The following ARHGAP11A variants were observed in gnomAD, a reference collection of about 807,000 sequenced individuals.
ARHGAP11A encodes Rho GTPase activating protein 11A, also known as rho GTPase-activating protein 11A.
A neutral mutation model predicts 60.5 loss-of-function variants in ARHGAP11A; 36 were observed. The ratio of observed to expected loss-of-function variants is 0.59; its 90% CI spans 0.46 to 0.79. The LOEUF is 0.79. Ranked by LOEUF, ARHGAP11A falls within the 30% of genes least tolerant of loss-of-function variation. The pLI, the probability that ARHGAP11A is intolerant of heterozygous loss-of-function variation, is 0.00. For missense variants in ARHGAP11A, 1,071 were observed against 1,199.2 expected (o/e 0.89, Z 1.58); for synonymous variants, 362 against 415.5 (o/e 0.87, Z 1.57).
Position 32,639,285 on chromosome 15 carries a change from G to T in ARHGAP11A, c.*1440G>T, listed in dbSNP as rs2053794602. 1 of 152,202 alleles carries T rather than the reference G, an allele frequency of 6.6e-6. No homozygotes were observed. The highest frequency in any genetic ancestry group is 2.4e-5 in the African/African-American group (1 of 41,460). The allele number at this position is 152,202 out of a possible 1,614,324, so 9.4% of individuals were successfully genotyped here. A position where few individuals can be genotyped will look rare whatever the true frequency, so the allele number is the denominator to read the frequency against. On this transcript the variant is annotated 3_prime_UTR_variant, in exon 12 of 12. Transcript: ENST00000361627. ...AATGTCATGTTTAGATGTTGGAGCA[G>T]ATTAGAGCAGCATTCATGCCACTCG...
rs767862070 is a variant in ARHGAP11A at position 32,637,579 on chromosome 15, G to C, written c.2806G>C (p.Asp936His). ...KSFLKMRKHP[D>H]SVNASLRSTT... ...TTTCTTAAAGATGAGGAAGCACCCA[G>C]ATTCAGTGAATGCTTCTCTTAGGTC... Residue 936 changes from aspartate to histidine, a missense_variant, in exon 12 of 12, where the codon GAT becomes CAT. By Grantham distance (81) the Asp-to-His change is moderately conservative. Around this residue, in one of 4 missense-constraint regions of ARHGAP11A, gnomAD observed 776 missense variants for 760.2 expected, o/e 1.02. Coordinates refer to ENST00000361627, the MANE Select transcript of ARHGAP11A (RefSeq NM_014783.6). 1.9e-6 allele frequency: 3 copies of C among 1,614,182 alleles called. No individual in the cohort carries two copies. Among genetic ancestry groups the C allele is most frequent in the Non-Finnish European group, 2.5e-6 (3 of 1,180,032 alleles).
chr15:32,627,827 T>TG (rs1292859413), intron 6 of ARHGAP11A, among the ~76,000 whole-genome samples: 1 of 150,720 alleles, frequency 6.6e-6, no homozygotes, highest in East Asian at 1.9e-4. Flanking sequence ...TTTTTTTTTT[T>TG]GAGACGGAGT....
intron 1 of ARHGAP11A, among the ~76,000 whole-genome samples, chr15:32,618,766 C>T (rs907188284): frequency 2.4e-4 from 34 of 141,810 alleles, no homozygotes; most frequent in African/African-American, 7.9e-4. Flanking sequence ...AAACCCCCCC[C>T]CCCCCGCCCC....
chr15:32,635,954 T>G, intron 11 of ARHGAP11A, 39 bp downstream of exon 11: 1 of 1,546,084 alleles, frequency 6.5e-7, no homozygotes, highest in Non-Finnish European at 8.7e-7. Context: ...TACCTAAAAA[T>G]CCTGCTTTAG....
At chr15:32,617,471 C>CTTTTTTTTTTTTTT (rs1168851603) in intron 1 of ARHGAP11A, among the ~76,000 whole-genome samples, 1 of 102,010 alleles carries the variant, frequency 9.8e-6, no homozygotes, top group African/African-American at 3.8e-5. Context: ...TTTTCTTTTC[C>CTTTTTTTTTTTTTT]TTTTTTTTTT....
At chr15:32,627,053 C>T (rs1021779606) in intron 6 of ARHGAP11A, among the ~76,000 whole-genome samples, 1 of 152,194 alleles carries the variant, frequency 6.6e-6, no homozygotes, top group Non-Finnish European at 1.5e-5. Context: ...AGATGCAGAT[C>T]ATCTTTATTG....
chr15:32,636,154 T>A lies in ARHGAP11A; in HGVS notation c.1484-103T>A, dbSNP rs2053708733. 7 of 1,447,296 alleles carry A rather than the reference T, an allele frequency of 4.8e-6. No individual in the cohort carries two copies. The African/African-American group carries it at 1.0e-4, about 21-fold the overall frequency. The allele number at this position is 1,447,296 out of a possible 1,614,324, so 89.7% of individuals were successfully genotyped here. A position where few individuals can be genotyped will look rare whatever the true frequency, so the allele number is the denominator to read the frequency against. ...AATTATTTCTTGTAACACAAATACT[T>A]TATTAGAATTAAATGCTTAGTGACT... is the stretch of plus-strand genomic sequence containing the variant. On this transcript the variant is annotated intron_variant, in intron 11 of 11. Coordinates refer to ENST00000361627, the MANE Select transcript of ARHGAP11A (RefSeq NM_014783.6).
At chr15:32,633,617 TG>T (rs1268096961) in intron 9 of ARHGAP11A, among the ~76,000 whole-genome samples, 1 of 152,108 alleles carries the variant, frequency 6.6e-6, no homozygotes, top group Non-Finnish European at 1.5e-5. Flanking sequence ...TACTCCAGCC[TG>T]GGCCGCAGAG....
At position 32,636,733 on chromosome 15, in the gene ARHGAP11A, T is replaced by A; in HGVS notation, c.1960T>A (p.Ser654Thr). 2.5e-6 allele frequency: 4 copies of A among 1,613,746 alleles called. No homozygotes were observed. Among genetic ancestry groups the A allele is most frequent in the Non-Finnish European group, 3.4e-6 (4 of 1,179,922 alleles). The change falls in exon 12 of 12, where the codon TCA (serine) becomes ACA (threonine). Residue 654 changes from serine to threonine, a missense_variant. Physicochemically the swap from Ser to Thr is moderately conservative, Grantham distance 58 (BLOSUM62 1). This residue lies in a region of ARHGAP11A where 776 missense variants were observed against 760.2 expected (regional missense o/e 1.02). Transcript: ENST00000361627. ...AACTAATGATTTGACTATAGTAGAATCAAAGGAGAAATATGAACACCACAC... is the reference window on the plus strand; with the variant it reads ...AACTAATGATTTGACTATAGTAGAAACAAAGGAGAAATATGAACACCACAC... ...FETNDLTIVE[S>T]KEKYEHHTGK... is the part of the protein sequence containing the mutation.
rs140803286 is a variant in ARHGAP11A, at chr15:32,636,370, G to A, written c.1597G>A (p.Asp533Asn). 7.9e-5 allele frequency: 128 copies of A among 1,614,000 alleles called. No homozygotes were observed. The highest frequency in any genetic ancestry group is 1.0e-4 in the Non-Finnish European group (119 of 1,179,992). Residue 533 changes from aspartate to asparagine, a missense_variant, in exon 12 of 12, where the codon GAT (aspartate) becomes AAT (asparagine). This residue lies in a region of ARHGAP11A where 776 missense variants were observed against 760.2 expected (regional missense o/e 1.02). Transcript: ENST00000361627. ...TAATAATTCAAGTTTTCAAGAAGTA[G>A]ATGCAAATGAAGCTTCTTCAATGGT... ...GPNNSSFQEV[D>N]ANEASSMVEN... is the part of the protein sequence containing the mutation.
chr15:32,631,697 A>G (rs1172662881), intron 8 of ARHGAP11A, among the ~76,000 whole-genome samples: 1 of 151,992 alleles, frequency 6.6e-6, no homozygotes, highest in Non-Finnish European at 1.5e-5. Context: ...ATTTTTTGAG[A>G]CGGAGTCTCG....
intron 2 of ARHGAP11A, 35 bp downstream of exon 2, chr15:32,620,213 A>G: frequency 6.2e-7 from 1 of 1,602,928 alleles, no homozygotes; most frequent in South Asian, 1.1e-5. Flanking sequence ...GGCCGGGTGC[A>G]GTGGCATATG....
intron 7 of ARHGAP11A, among the ~76,000 whole-genome samples, chr15:32,629,383 T>C (rs2053538071): frequency 6.8e-6 from 1 of 148,094 alleles, no homozygotes; most frequent in Non-Finnish European, 1.5e-5. Context: ...TGCTGTCTCT[T>C]AAGAGTCTTG....
At chr15:32,629,429 CAG>C (rs1434249139) in intron 7 of ARHGAP11A, among the ~76,000 whole-genome samples, 164 bp from the exon 8 acceptor site, 9 of 148,354 alleles carry the variant, frequency 6.1e-5, no homozygotes, top group Non-Finnish European at 8.9e-5. Flanking sequence ...TAAGTAATTG[CAG>C]AGTGTTTTAG....
At chr15:32,633,820 C>T in intron 9 of ARHGAP11A, 113 bp from the exon 10 acceptor site, 6 of 624,036 alleles carry the variant, frequency 9.6e-6, no homozygotes, top group South Asian at 4.3e-5. Flanking sequence ...ATTATTAATC[C>T]ATCCAATTAT....
At chr15:32,620,208 G>T (rs757095551) in intron 2 of ARHGAP11A, 30 bp downstream of exon 2, 2 of 1,601,018 alleles carry the variant, frequency 1.2e-6, no homozygotes, top group Admixed American at 1.8e-5. Flanking sequence ...AAGAAGGCCG[G>T]GTGCAGTGGC....
In ARHGAP11A at chr15:32,637,709, T is replaced by G; in HGVS notation, c.2936T>G (p.Met979Arg). ...GTAAAACCAGTTGTAAATAACAACATGGGCATTTCTTCTGGGATAAATAAC... is the reference window on the plus strand; with the variant it reads ...GTAAAACCAGTTGTAAATAACAACAGGGGCATTTCTTCTGGGATAAATAAC... ...DIVKPVVNNNMGISSGINNRV... is the reference protein window; with the variant it reads ...DIVKPVVNNNRGISSGINNRV... The change falls in exon 12 of 12, where the codon ATG becomes AGG. Residue 979 changes from methionine to arginine, a missense_variant. Coordinates refer to ENST00000361627, the MANE Select transcript of ARHGAP11A (RefSeq NM_014783.6). 3.7e-6 allele frequency: 6 copies of G among 1,614,172 alleles called. No individual in the cohort carries two copies. The highest frequency in any genetic ancestry group is 5.1e-6 in the Non-Finnish European group (6 of 1,180,036).
chr15:32,627,108 GT>G (rs1446516071), intron 6 of ARHGAP11A, among the ~76,000 whole-genome samples: 18 of 151,964 alleles, frequency 1.2e-4, no homozygotes, highest in African/African-American at 3.9e-4. Context: ...CAGTCCTGTA[GT>G]TTCAGTTATC....
chr15:32,633,160 A>G (rs778701346), intron 9 of ARHGAP11A, 52 bp downstream of exon 9: 1 of 1,585,136 alleles, frequency 6.3e-7, no homozygotes, highest in Admixed American at 1.8e-5. Flanking sequence ...TGGTGTACAC[A>G]TAATTAATAA....
Sources: gnomAD v4.1 joint callset for allele counts (sites outside exome capture counted in the v4.1 genomes callset) on GRCh38, gnomAD v4.1.1 for gene constraint, gnomAD v4.1.1 regional missense constraint, MANE v1.5 for transcripts, NCBI Gene and HGNC (gene_info 2026-07-23, HGNC 2026-07-21) for gene names.